ABCC9: variants seen among roughly 807,000 people sequenced by gnomAD.
ABCC9 encodes the protein ATP-binding cassette sub-family C member 9.
ABCC9 carries 95 observed loss-of-function variants against 188.3 expected under a neutral mutation model. That is an observed-to-expected ratio of 0.50 (90% confidence interval 0.43 to 0.60). The LOEUF is 0.60. Ranked by LOEUF, ABCC9 falls within the 20% of genes least tolerant of loss-of-function variation. ABCC9 has a pLI of 0.00. For missense variants in ABCC9, 1,102 were observed against 1,876.3 expected (o/e 0.59, Z 7.62); for synonymous variants, 659 against 652.7 (o/e 1.01, Z -0.15).
chr12:21,797,807 AC>A lies in ABCC9; in HGVS notation c.*3236del, dbSNP rs1941223524. 1 of 152,140 alleles carries A rather than the reference AC, an allele frequency of 6.6e-6. No individual in the cohort carries two copies. Among genetic ancestry groups the A allele is most frequent in the South Asian group, 2.1e-4 (1 of 4,820 alleles). 9.4% of individuals were successfully genotyped at this position (152,140 alleles called of 1,614,324 possible). A position where few individuals can be genotyped will look rare whatever the true frequency, so the allele number is the denominator to read the frequency against. On this transcript the variant is annotated 3_prime_UTR_variant, in exon 40 of 40. Transcript: ENST00000261200. ...CTTTTCCCTGTCAATGACATAAGTA[AC>A]CCTGGTATTTTAATATAATGCTTTA...
rs986841233 is a variant in ABCC9 at position 21,834,804 on chromosome 12, C to T, written c.3566+3274G>A. On this transcript the variant is annotated intron_variant, in intron 30 of 39. Coordinates refer to ENST00000261200, the MANE Select transcript of ABCC9 (RefSeq NM_020297.4). ...AACATTATACACACACACACACACA[C>T]ACACACACACACACACACACACAGT... 4.0e-5 allele frequency among the ~76,000 whole-genome samples: 6 copies of T among 151,460 alleles called. 1 individual carries two copies. The highest frequency in any genetic ancestry group is 7.3e-5 in the African/African-American group (3 of 41,308).
At chr12:21,872,530 A>T in intron 18 of ABCC9, 95 bp downstream of exon 18, 1 of 986,804 alleles carries the variant, frequency 1.0e-6, no homozygotes, top group Non-Finnish European at 1.6e-6. Context: ...TGGTCTTCAG[A>T]GTCAGAACAT....
intron 18 of ABCC9, 125 bp from the exon 19 acceptor site, chr12:21,864,602 T>C (rs912812627): frequency 1.4e-6 from 1 of 707,022 alleles, no homozygotes; most frequent in African/African-American, 1.8e-5. Flanking sequence ...CCAAATGGTT[T>C]CTGATATTAA....
At chr12:21,821,293 C>T (rs1354019158) in intron 31 of ABCC9, among the ~76,000 whole-genome samples, 3 of 152,152 alleles carry the variant, frequency 2.0e-5, no homozygotes, top group Non-Finnish European at 4.4e-5. Flanking sequence ...CCATTTAGAA[C>T]TGTAATATGA....
intron 4 of ABCC9, among the ~76,000 whole-genome samples, chr12:21,929,956 T>C (rs1053322712): frequency 2.0e-5 from 3 of 151,716 alleles, no homozygotes; most frequent in Non-Finnish European, 4.4e-5. Context: ...TTACATTAGG[T>C]ATATCTCCTA....
At chr12:21,876,003 G>T (rs1245775018) in intron 16 of ABCC9, among the ~76,000 whole-genome samples, 1 of 152,152 alleles carries the variant, frequency 6.6e-6, no homozygotes, top group African/African-American at 2.4e-5. Context: ...AGTGAGCCGA[G>T]ATCGCGCCAC....
At chr12:21,860,928 C>T (rs752952825) in intron 21 of ABCC9, 43 bp downstream of exon 21, 1 of 1,463,952 alleles carries the variant, frequency 6.8e-7, no homozygotes, top group African/African-American at 1.4e-5. Context: ...GAAGACTTTT[C>T]TAGATTTTTG....
chr12:21,934,621 A>G (rs1949415597), intron 3 of ABCC9, among the ~76,000 whole-genome samples: 1 of 152,020 alleles, frequency 6.6e-6, no homozygotes, highest in Admixed American at 6.6e-5. Context: ...TACTACGTAG[A>G]GTAATACTAG....
intron 18 of ABCC9, among the ~76,000 whole-genome samples, chr12:21,867,501 A>G (rs1945838101): frequency 1.3e-5 from 2 of 152,210 alleles, no homozygotes; most frequent in South Asian, 4.1e-4. Context: ...GTGTATTAGC[A>G]ACTTCCAAGT....
At chr12:21,919,319 C>G (rs1268103422) in intron 5 of ABCC9, among the ~76,000 whole-genome samples, 1 of 151,654 alleles carries the variant, frequency 6.6e-6, no homozygotes, top group Non-Finnish European at 1.5e-5. Flanking sequence ...ACACAAAAAC[C>G]AATACTAGGA....
intron 3 of ABCC9, among the ~76,000 whole-genome samples, chr12:21,935,239 T>A (rs1949439774): frequency 6.6e-6 from 1 of 152,164 alleles, no homozygotes; most frequent in African/African-American, 2.4e-5. Context: ...AGTTAAAAAA[T>A]CCATTTTTCT....
Position 21,922,378 on chromosome 12 carries a change from T to A in ABCC9, c.406+3564A>T, listed in dbSNP as rs1327525588. On this transcript the variant is annotated intron_variant, in intron 5 of 39. Coordinates refer to ENST00000261200, the MANE Select transcript of ABCC9 (RefSeq NM_020297.4). ...TTGAACCATGCTTGCATTCTAGGGA[T>A]AAATCCCACTTGATCATGATGAATG... Among the ~76,000 whole-genome samples the A allele has an allele frequency of 2.6e-5, 4 of 152,026 alleles. No individual in the cohort carries two copies. In the East Asian group the frequency reaches 7.7e-4, roughly 29 times the overall value.
chr12:21,867,019 C>T (rs941419934), intron 18 of ABCC9, among the ~76,000 whole-genome samples: 1 of 151,982 alleles, frequency 6.6e-6, no homozygotes, highest in Non-Finnish European at 1.5e-5. Flanking sequence ...AGCAAAACAG[C>T]ACATAGGGGA....
chr12:21,933,640 G>C lies in ABCC9; in HGVS notation c.284+142C>G. On this transcript the variant is annotated intron_variant, in intron 4 of 39. Transcript: ENST00000261200. ...CATTAAAAAGTTCAAAAAGACATAA[G>C]AACTTCCTGCAAGAGCTACATGGAT... is the stretch of plus-strand genomic sequence containing the variant. The C allele has an allele frequency of 5.8e-6, 5 of 869,456 alleles. No homozygotes were observed. In the South Asian group the frequency reaches 8.2e-5, roughly 14 times the overall value. 53.9% of individuals were successfully genotyped at this position (869,456 alleles called of 1,614,324 possible).
chr12:21,860,427 A>G (rs1945446814), intron 21 of ABCC9, among the ~76,000 whole-genome samples: 1 of 152,168 alleles, frequency 6.6e-6, no homozygotes, highest in South Asian at 2.1e-4. Context: ...CATAACACAG[A>G]TTTGTTGTGA....
intron 11 of ABCC9, among the ~76,000 whole-genome samples, chr12:21,907,130 T>C (rs1185862105): frequency 6.6e-6 from 1 of 152,078 alleles, no homozygotes; most frequent in Non-Finnish European, 1.5e-5. Context: ...TATCAAATGA[T>C]TGTTCAATGA....
intron 4 of ABCC9, among the ~76,000 whole-genome samples, chr12:21,931,112 T>C (rs1949265756): frequency 6.6e-6 from 1 of 152,174 alleles, no homozygotes; most frequent in Admixed American, 6.5e-5. Context: ...AAATCTCACC[T>C]TGAATTGTAA....
intron 31 of ABCC9, chr12:21,827,304 G>A: frequency 1.0e-6 from 1 of 985,286 alleles, no homozygotes; most frequent in Non-Finnish European, 1.2e-6. Flanking sequence ...TAATCTGACA[G>A]CAGGAAGTGC....
At chr12:21,836,593 T>C (rs1032830950) in intron 30 of ABCC9, among the ~76,000 whole-genome samples, 7 of 152,212 alleles carry the variant, frequency 4.6e-5, no homozygotes, top group Non-Finnish European at 7.3e-5. Context: ...CAGTTGTTTC[T>C]TGTGATATTA....
Sources: allele counts gnomAD v4.1 joint callset (sites outside exome capture counted in the v4.1 genomes callset), GRCh38; gene constraint gnomAD v4.1.1; transcripts MANE v1.5; gene names NCBI Gene and HGNC (gene_info 2026-07-23, HGNC 2026-07-21).